ELMO1: variants seen among roughly 807,000 people sequenced by gnomAD.
The protein encoded by ELMO1 is engulfment and cell motility protein 1.
A neutral mutation model predicts 98.9 loss-of-function variants in ELMO1; 26 were observed. The ratio of observed to expected loss-of-function variants is 0.26; its 90% CI spans 0.19 to 0.36. ELMO1 has a LOEUF of 0.36. Among genes scored for constraint, ELMO1 ranks in the 10% least tolerant of loss-of-function variants. ELMO1 has a pLI of 1.00. For synonymous variants in ELMO1, 346 were observed against 346.0 expected (o/e 1.00, Z 0.00); for missense variants, 627 against 935.2 (o/e 0.67, Z 4.30).
intron 13 of ELMO1, among the ~76,000 whole-genome samples, chr7:37,195,929 G>A (rs1435867088): frequency 2.0e-5 from 3 of 152,190 alleles, no homozygotes; most frequent in African/African-American, 4.8e-5. Context: ...GGGGGATGGA[G>A]AGAACCAAAT....
At chr7:37,116,817 T>C (rs1425757505) in intron 14 of ELMO1, 1 of 157,864 alleles carries the variant, frequency 6.3e-6, no homozygotes. Flanking sequence ...AAAGGCAGCC[T>C]GGGTCATCCT....
Position 36,984,609 on chromosome 7 carries a change from G to A in ELMO1, c.1437+28690C>T, listed in dbSNP as rs994018128. On this transcript the variant is annotated intron_variant, in intron 16 of 21. Coordinates refer to ENST00000310758, the MANE Select transcript of ELMO1 (RefSeq NM_014800.11). ...ACCCACAGCATTCTCCTGTGCAAAAGGACATTTTTTAAAAAGGACAACCAA... is the reference window on the plus strand; with the variant it reads ...ACCCACAGCATTCTCCTGTGCAAAAAGACATTTTTTAAAAAGGACAACCAA... 4.6e-5 allele frequency among the ~76,000 whole-genome samples: 7 copies of A among 152,096 alleles called. No homozygotes were observed. In the East Asian group the frequency reaches 1.3e-3, roughly 29 times the overall value.
chr7:37,123,234 G>A (rs1332639903), intron 14 of ELMO1, among the ~76,000 whole-genome samples: 4 of 152,142 alleles, frequency 2.6e-5, no homozygotes, highest in Non-Finnish European at 5.9e-5. Context: ...AACTAGAGAA[G>A]CAAGAGCAAA....
chr7:37,359,850 TTG>T (rs527523713), intron 1 of ELMO1, among the ~76,000 whole-genome samples: 3 of 152,322 alleles, frequency 2.0e-5, no homozygotes, highest in African/African-American at 7.2e-5. Context: ...CCTTTTCACT[TTG>T]TACTTGTGTA....
chr7:37,213,709 G>C (rs778780772), intron 11 of ELMO1, among the ~76,000 whole-genome samples: 2 of 152,170 alleles, frequency 1.3e-5, no homozygotes, highest in Non-Finnish European at 2.9e-5. Flanking sequence ...GCGCTGGAAA[G>C]GGACTGATGA....
chr7:37,318,348 A>T (rs909761456), intron 2 of ELMO1, among the ~76,000 whole-genome samples: 1 of 152,312 alleles, frequency 6.6e-6, no homozygotes, highest in Admixed American at 6.5e-5. Context: ...ACCCTCAAAA[A>T]TGAAACATAA....
intron 16 of ELMO1, among the ~76,000 whole-genome samples, chr7:36,998,966 GTT>G (rs1233771172): frequency 2.0e-5 from 3 of 152,000 alleles, no homozygotes; most frequent in African/African-American, 7.3e-5. Flanking sequence ...ATTTGTGTGT[GTT>G]TATATTCTGG....
At chr7:36,946,176 G>C (rs1787466784) in intron 16 of ELMO1, among the ~76,000 whole-genome samples, 1 of 152,252 alleles carries the variant, frequency 6.6e-6, no homozygotes, top group Admixed American at 6.5e-5. Context: ...TTCTGCAGCA[G>C]ACAGGTTATT....
Position 36,853,345 on chromosome 7 carries a change from A to G in ELMO1, c.*2206T>C, listed in dbSNP as rs1239170311. 6.6e-6 allele frequency among the ~76,000 whole-genome samples: 1 copy of G among 152,138 alleles called. No homozygotes were observed. The highest frequency in any genetic ancestry group is 6.5e-5 in the Admixed American group (1 of 15,272). ...CCAACCAAGGTCACAGGACAGATAC[A>G]TTTCTTAAACCCAGTGTCTCAGGAC... is the stretch of plus-strand genomic sequence containing the variant. On this transcript the variant is annotated 3_prime_UTR_variant, in exon 22 of 22. Coordinates refer to ENST00000310758, the MANE Select transcript of ELMO1 (RefSeq NM_014800.11).
At chr7:37,246,510 G>A (rs527986547) in intron 6 of ELMO1, among the ~76,000 whole-genome samples, 17 of 152,094 alleles carry the variant, frequency 1.1e-4, no homozygotes, top group Non-Finnish European at 2.5e-4. Flanking sequence ...TCAACAGGAC[G>A]AAATGGGGGA....
intron 14 of ELMO1, among the ~76,000 whole-genome samples, chr7:37,097,315 A>G (rs1584638223): frequency 6.6e-6 from 1 of 152,336 alleles, no homozygotes; most frequent in Admixed American, 6.5e-5. Flanking sequence ...AGGCGGGCGG[A>G]TCATTGGAGG....
Position 37,438,305 on chromosome 7 carries a change from G to A in ELMO1, c.-74+10370C>T, listed in dbSNP as rs574156951. 7.5e-4 allele frequency among the ~76,000 whole-genome samples: 114 copies of A among 151,688 alleles called. 2 individuals carry two copies. The highest frequency in any genetic ancestry group is 2.3e-3 in the Admixed American group (35 of 15,250). On this transcript the variant is annotated intron_variant, in intron 1 of 21. Coordinates refer to ENST00000310758, the MANE Select transcript of ELMO1 (RefSeq NM_014800.11). ...GAACCTGAATAGAAACTACTGAATC[G>A]GGCCGGGCGCGGTGGCTCATGCCTG...
intron 1 of ELMO1, among the ~76,000 whole-genome samples, chr7:37,447,871 G>C (rs915162839): frequency 1.3e-4 from 20 of 151,762 alleles, no homozygotes; most frequent in Admixed American, 1.3e-3. Context: ...GATCGCAGTC[G>C]CCACTCTCCG....
At chr7:36,926,331 G>A (rs1461607736) in intron 16 of ELMO1, among the ~76,000 whole-genome samples, 1 of 152,236 alleles carries the variant, frequency 6.6e-6, no homozygotes, top group Non-Finnish European at 1.5e-5. Context: ...CATATAGTTA[G>A]TGACAAGGGT....
At chr7:37,326,554 CA>C (rs56148707) in intron 2 of ELMO1, among the ~76,000 whole-genome samples, 8,846 of 102,066 alleles carry the variant, frequency 0.087, 386 homozygotes, top group African/African-American at 0.18. Context: ...GACTCCATCT[CA>C]AAAAAAAAAA....
chr7:36,957,397 T>C (rs1788552396), intron 16 of ELMO1, among the ~76,000 whole-genome samples: 1 of 152,198 alleles, frequency 6.6e-6, no homozygotes. Flanking sequence ...CCTGACATTA[T>C]ACTATCCACT....
chr7:37,287,245 A>G (rs551811220), intron 4 of ELMO1, among the ~76,000 whole-genome samples: 2 of 152,240 alleles, frequency 1.3e-5, no homozygotes, highest in East Asian at 1.9e-4. Flanking sequence ...TGCTTTATCA[A>G]TGCACGTGTC....
intron 16 of ELMO1, among the ~76,000 whole-genome samples, chr7:36,943,010 G>A (rs908205096): frequency 5.3e-5 from 8 of 152,156 alleles, no homozygotes; most frequent in African/African-American, 1.2e-4. Context: ...TCATGGTCAC[G>A]GCAGGCTGGC....
chr7:36,925,544 T>G (rs114212803), intron 16 of ELMO1, among the ~76,000 whole-genome samples: 1,709 of 152,282 alleles, frequency 0.011, 44 homozygotes, highest in African/African-American at 0.039. Flanking sequence ...CCATTACTCC[T>G]TGGGTCCCTA....
Sources: allele counts gnomAD v4.1 joint callset (sites outside exome capture counted in the v4.1 genomes callset), GRCh38; gene constraint gnomAD v4.1.1; transcripts MANE v1.5; gene names NCBI Gene and HGNC (gene_info 2026-07-23, HGNC 2026-07-21).